ITGAL: variants seen among roughly 807,000 people sequenced by gnomAD.
ITGAL encodes the protein integrin subunit alpha L.
Under a neutral mutation model 138.4 loss-of-function variants are expected in ITGAL, and 68 were observed. That is an observed-to-expected ratio of 0.49 (90% CI 0.40 to 0.60). The LOEUF is 0.60. Among genes scored for constraint, ITGAL ranks in the 20% least tolerant of loss-of-function variants. The pLI, the probability that ITGAL is intolerant of heterozygous loss-of-function variation, is 0.00. For synonymous variants in ITGAL, 561 were observed against 584.3 expected (o/e 0.96, Z 0.57); for missense variants, 1,256 against 1,478.6 (o/e 0.85, Z 2.47).
In ITGAL at chr16:30,506,704, AT is replaced by A. The variant is rs757365544; in HGVS notation, c.2367-10del. ...CTCCCTCCTCCATCTTTCCCTGATCATCCCCCACAGATCCAGAGCCCTGCGT... is the reference window on the plus strand; with the variant it reads ...CTCCCTCCTCCATCTTTCCCTGATCACCCCCACAGATCCAGAGCCCTGCGT... On this transcript the variant is annotated splice_polypyrimidine_tract_variant and intron_variant, in intron 20 of 30. Coordinates refer to ENST00000356798, the MANE Select transcript of ITGAL (RefSeq NM_002209.3). 3.7e-6 allele frequency: 6 copies of A among 1,608,078 alleles called. No individual in the cohort carries two copies. Among genetic ancestry groups the A allele is most frequent in the Non-Finnish European group, 5.1e-6 (6 of 1,177,324 alleles).
chr16:30,488,834 G>A (rs35660137), intron 9 of ITGAL: 32 of 480,274 alleles, frequency 6.7e-5, no homozygotes, highest in African/African-American at 2.8e-4. Context: ...CTGTGATTGC[G>A]CCACTGCACT....
Position 30,485,458 on chromosome 16 carries a change from G to A in ITGAL, c.1006+1195G>A, listed in dbSNP as rs143789813. The stretch of plus-strand genomic sequence containing the variant: ...GCCAGGATGATCTCGATCTGACCTC[G>A]TGACCTGCCCGCCTTGGCCTCCCAA... On this transcript the variant is annotated intron_variant, in intron 9 of 30. Coordinates refer to ENST00000356798, the MANE Select transcript of ITGAL (RefSeq NM_002209.3). Among the ~76,000 whole-genome samples the A allele has an allele frequency of 3.3e-3, 502 of 152,154 alleles. 6 individuals carry two copies. Among genetic ancestry groups the A allele is most frequent in the African/African-American group, 0.011 (450 of 41,544 alleles).
Position 30,474,178 on chromosome 16 carries a change from G to T in ITGAL, c.62-18G>T. 6.4e-7 allele frequency: 1 copy of T among 1,573,456 alleles called. No homozygotes were observed. The highest frequency in any genetic ancestry group is 1.1e-5 in the South Asian group (1 of 87,064). On this transcript the variant is annotated intron_variant, in intron 1 of 30. Transcript: ENST00000356798. The stretch of plus-strand genomic sequence containing the variant: ...CGGGGGTCCCTCGGTCGCAGCTGAC[G>T]ACCCTTGCCTTCCTCAGCGCCGGCC...
chr16:30,519,959 C>T lies in ITGAL; in HGVS notation c.3331C>T (p.Leu1111=), dbSNP rs1167513882. 1.1e-5 allele frequency: 17 copies of T among 1,610,704 alleles called. No individual in the cohort carries two copies. Among genetic ancestry groups the T allele is most frequent in the Non-Finnish European group, 1.4e-5 (16 of 1,179,076 alleles). The change falls in exon 30 of 31, where the codon CTG becomes TTG. Residue 1111 remains leucine (L), a synonymous_variant. Transcript: ENST00000356798. ...GCTGCTGCTGCTCATTTTCATAGTGCTGTACAAGGTGGGTGCCTCCGGGGG... is the reference window on the plus strand; with the variant it reads ...GCTGCTGCTGCTCATTTTCATAGTGTTGTACAAGGTGGGTGCCTCCGGGGG... ...LLLLLLIFIV[L]YKVGFFKRNL...
chr16:30,518,951 C>T (rs908358348), intron 29 of ITGAL, among the ~76,000 whole-genome samples: 3 of 152,174 alleles, frequency 2.0e-5, no homozygotes, highest in African/African-American at 7.2e-5. Context: ...AGGCCGGGCG[C>T]AGTAGCTCAC....
At chr16:30,492,384 G>A (rs975720072) in intron 11 of ITGAL, among the ~76,000 whole-genome samples, 8 of 151,504 alleles carry the variant, frequency 5.3e-5, no homozygotes, top group Admixed American at 1.3e-4. Flanking sequence ...CTGAGTAGCC[G>A]GGACTACAGG....
Position 30,521,767 on chromosome 16 carries a change from T to A in ITGAL, c.*102T>A. The A allele has an allele frequency of 9.0e-7, 1 of 1,114,188 alleles. No homozygotes were observed. Among genetic ancestry groups the A allele is most frequent in the Non-Finnish European group, 1.3e-6 (1 of 786,902 alleles). 69.0% of individuals were successfully genotyped at this position (1,114,188 alleles called of 1,614,324 possible). On this transcript the variant is annotated 3_prime_UTR_variant, in exon 31 of 31. Transcript: ENST00000356798. ...TGCCGTGTGCCCTCGGGCGAGTCACTGCCTCTCCCTGGCCCTCAGTTTCCC... is the reference window on the plus strand; with the variant it reads ...TGCCGTGTGCCCTCGGGCGAGTCACAGCCTCTCCCTGGCCCTCAGTTTCCC...
At chr16:30,511,173 C>G in intron 24 of ITGAL, 37 bp downstream of exon 24, 1 of 1,518,298 alleles carries the variant, frequency 6.6e-7, no homozygotes, top group Non-Finnish European at 9.2e-7. Flanking sequence ...CCCTCTCCTC[C>G]CACCGCAGCC....
Position 30,474,317 on chromosome 16 carries a change from GTCC to G in ITGAL, c.164+27_164+29del, listed in dbSNP as rs1454148906. On this transcript the variant is annotated intron_variant, in intron 2 of 30. Coordinates refer to ENST00000356798, the MANE Select transcript of ITGAL (RefSeq NM_002209.3). ...GAAACGGGTGAGCTGTGCCCCACAAGTCCTCCTCCTGATGCCCGCCCTGGGGCA... is the reference window on the plus strand; with the variant it reads ...GAAACGGGTGAGCTGTGCCCCACAAGTCCTCCTGATGCCCGCCCTGGGGCA... The G allele has an allele frequency of 4.5e-6, 7 of 1,559,546 alleles. No homozygotes were observed. The highest frequency in any genetic ancestry group is 2.3e-5 in the East Asian group (1 of 43,320).
intron 25 of ITGAL, among the ~76,000 whole-genome samples, chr16:30,514,529 G>A (rs1358953110): frequency 1.8e-4 from 3 of 16,956 alleles, no homozygotes; most frequent in Non-Finnish European, 5.4e-4. Context: ...CCCCCCTCGT[G>A]GCCTCTCAAA....
intron 13 of ITGAL, among the ~76,000 whole-genome samples, chr16:30,495,213 T>C (rs2050782389): frequency 1.3e-5 from 2 of 152,112 alleles, no homozygotes; most frequent in South Asian, 2.1e-4. Context: ...TTAGTAGACA[T>C]GGGGTTTCAC....
intron 30 of ITGAL, among the ~76,000 whole-genome samples, chr16:30,520,438 C>T (rs1163054732): frequency 6.6e-6 from 1 of 152,042 alleles, no homozygotes; most frequent in African/African-American, 2.4e-5. Flanking sequence ...TTGTCTCACA[C>T]ACACACAAAC....
chr16:30,475,723 G>T, intron 4 of ITGAL, 143 bp downstream of exon 4: 3 of 354,304 alleles, frequency 8.5e-6, no homozygotes, highest in Non-Finnish European at 1.6e-5. Flanking sequence ...GAGAACCAAT[G>T]ATGAACCAGC....
At chr16:30,484,995 G>T (rs2050619751) in intron 9 of ITGAL, among the ~76,000 whole-genome samples, 1 of 152,050 alleles carries the variant, frequency 6.6e-6, no homozygotes, top group Non-Finnish European at 1.5e-5. Flanking sequence ...AGAATAATAA[G>T]CACTTACTGA....
At chr16:30,495,276 C>CG (rs1211260223) in intron 13 of ITGAL, among the ~76,000 whole-genome samples, 2 of 152,156 alleles carry the variant, frequency 1.3e-5, no homozygotes, top group African/African-American at 4.8e-5. Context: ...CCACCCACCT[C>CG]GGCCTCCCAA....
chr16:30,514,878 G>T (rs1369597431), intron 25 of ITGAL, among the ~76,000 whole-genome samples: 1 of 146,628 alleles, frequency 6.8e-6, no homozygotes, highest in Non-Finnish European at 1.5e-5. Flanking sequence ...AGGTTGGAGT[G>T]CAGTGGCGTA....
chr16:30,510,525 G>T, intron 22 of ITGAL, 54 bp downstream of exon 22: 2 of 1,015,706 alleles, frequency 2.0e-6, no homozygotes, highest in Non-Finnish European at 3.1e-6. Context: ...TGAGCTGGTG[G>T]AGGGCAGGGA....
At chr16:30,473,918 G>T (rs2050428282) in intron 1 of ITGAL, 3 of 582,414 alleles carry the variant, frequency 5.2e-6, no homozygotes. Flanking sequence ...CCTTGGGTCT[G>T]CTCCTCTCTC....
At chr16:30,483,063 A>G (rs1828544040) in intron 7 of ITGAL, 2 of 152,148 alleles carry the variant, frequency 1.3e-5, no homozygotes, top group South Asian at 2.1e-4. Flanking sequence ...CCAGGGCAGA[A>G]ATTTTTAGCC....
Sources: gnomAD v4.1 joint callset for allele counts (sites outside exome capture counted in the v4.1 genomes callset) on GRCh38, gnomAD v4.1.1 for gene constraint, MANE v1.5 for transcripts, NCBI Gene and HGNC (gene_info 2026-07-23, HGNC 2026-07-21) for gene names.